The following LRP1B variants were observed in gnomAD, a reference collection of about 807,000 sequenced individuals.
The protein encoded by LRP1B is low-density lipoprotein receptor-related protein 1B.
In LRP1B, 217 loss-of-function variants were observed where a neutral mutation model predicts 556.6. The ratio of observed to expected loss-of-function variants is 0.39; its 90% CI spans 0.35 to 0.44. The LOEUF (loss-of-function observed/expected upper bound fraction) is 0.44, where lower values mean the gene tolerates loss of function less well. LRP1B is among the 20% of genes least tolerant of loss of function. LRP1B has a pLI of 1.00. For missense variants in LRP1B, 5,053 were observed against 5,620.8 expected (o/e 0.90, Z 3.23); for synonymous variants, 2,047 against 1,865.8 (o/e 1.10, Z -2.50).
chr2:140,323,807 G>T (rs1680299800), intron 81 of LRP1B, 86 bp downstream of exon 81: 1 of 683,702 alleles, frequency 1.5e-6, no homozygotes, highest in African/African-American at 1.8e-5. Flanking sequence ...CATTTACATA[G>T]TTAAGATATT....
intron 1 of LRP1B, among the ~76,000 whole-genome samples, chr2:141,938,933 G>A (rs758244986): frequency 5.9e-5 from 9 of 152,052 alleles, no homozygotes; most frequent in Non-Finnish European, 1.2e-4. Flanking sequence ...CTTATATGTG[G>A]AGTCTAACAA....
intron 2 of LRP1B, among the ~76,000 whole-genome samples, chr2:141,598,088 GATATATAATTTTTTTATT>G (rs939981491): frequency 2.6e-5 from 4 of 151,446 alleles, no homozygotes; most frequent in African/African-American, 9.7e-5. Flanking sequence ...GCTTTTTTAT[GATATATAATTTTTTTATT>G]ATATATAATT....
At chr2:141,164,309 A>G in intron 7 of LRP1B, among the ~76,000 whole-genome samples, 1 of 152,180 alleles carries the variant, frequency 6.6e-6, no homozygotes, top group East Asian at 1.9e-4. Context: ...CTACGGTAAT[A>G]AAAAGTTGAC....
Position 140,235,840 on chromosome 2 carries a change from T to C in LRP1B, c.13561-956A>G, listed in dbSNP as rs138643311. Among the ~76,000 whole-genome samples, 11 of 151,192 alleles carry C rather than the reference T, an allele frequency of 7.3e-5. No homozygotes were observed. The East Asian group carries it at 2.2e-3, about 30-fold the overall frequency. On this transcript the variant is annotated intron_variant, in intron 89 of 90. Coordinates refer to ENST00000389484, the MANE Select transcript of LRP1B (RefSeq NM_018557.3). Reference sequence around the variant, plus strand: ...AACCCTCCTTCATATGAAAAATGTGTAAAGTATATCGTCATTAGTCTGTTA... The same window carrying C: ...AACCCTCCTTCATATGAAAAATGTGCAAAGTATATCGTCATTAGTCTGTTA...
chr2:141,043,379 A>G (rs1483581888), intron 11 of LRP1B, among the ~76,000 whole-genome samples: 2 of 151,964 alleles, frequency 1.3e-5, no homozygotes, highest in Admixed American at 6.6e-5. Flanking sequence ...TTGAATCTTC[A>G]TCAATGCCAC....
At chr2:142,091,354 G>A (rs1370130124) in intron 1 of LRP1B, among the ~76,000 whole-genome samples, 2 of 151,946 alleles carry the variant, frequency 1.3e-5, no homozygotes, top group Non-Finnish European at 2.9e-5. Context: ...TTTGAATCTG[G>A]ACTTCTCTGT....
chr2:140,873,818 C>T (rs552717750), intron 25 of LRP1B, among the ~76,000 whole-genome samples: 64 of 151,356 alleles, frequency 4.2e-4, no homozygotes, highest in Non-Finnish European at 8.4e-4. Flanking sequence ...AAAAGTATGT[C>T]CTTTTTAAAC....
chr2:140,790,085 CTCTG>C (rs1422183289), intron 32 of LRP1B, among the ~76,000 whole-genome samples: 3 of 152,190 alleles, frequency 2.0e-5, no homozygotes, highest in African/African-American at 7.2e-5. Flanking sequence ...CACCATTTTT[CTCTG>C]TCTGACATTT....
chr2:141,931,905 G>T (rs950498320), intron 1 of LRP1B, among the ~76,000 whole-genome samples: 1 of 151,978 alleles, frequency 6.6e-6, no homozygotes, highest in Non-Finnish European at 1.5e-5. Context: ...GGAGATATGG[G>T]CTGTGTCACT....
chr2:141,185,708 A>AC (rs1558919054), intron 7 of LRP1B, among the ~76,000 whole-genome samples: 1 of 151,034 alleles, frequency 6.6e-6, no homozygotes, highest in African/African-American at 2.4e-5. Flanking sequence ...AAAAAAAAAA[A>AC]CAAGAACCAA....
At chr2:141,291,781 G>A (rs372251266) in intron 3 of LRP1B, among the ~76,000 whole-genome samples, 14 of 147,414 alleles carry the variant, frequency 9.5e-5, no homozygotes, top group African/African-American at 3.1e-4. Context: ...GCGTGAACCC[G>A]GGAGGCGGAG....
At chr2:141,847,825 A>G (rs186939712) in intron 1 of LRP1B, among the ~76,000 whole-genome samples, 1 of 151,648 alleles carries the variant, frequency 6.6e-6, no homozygotes, top group Non-Finnish European at 1.5e-5. Flanking sequence ...TTAAAAAATG[A>G]TGCAAATGTT....
intron 43 of LRP1B, among the ~76,000 whole-genome samples, chr2:140,572,987 A>T (rs1681385607): frequency 6.6e-6 from 1 of 151,820 alleles, no homozygotes; most frequent in Non-Finnish European, 1.5e-5. Flanking sequence ...AATAGTGGTT[A>T]CTAGAGGGTG....
intron 1 of LRP1B, among the ~76,000 whole-genome samples, chr2:141,844,338 T>C (rs568315281): frequency 6.6e-6 from 1 of 152,238 alleles, no homozygotes; most frequent in Non-Finnish European, 1.5e-5. Flanking sequence ...TTTGCTACTA[T>C]GAAAATGGAA....
chr2:141,818,531 CTTTTTTT>C (rs70994453), intron 1 of LRP1B, among the ~76,000 whole-genome samples: 1 of 82,080 alleles, frequency 1.2e-5, no homozygotes, highest in African/African-American at 4.9e-5. Flanking sequence ...ATTTCTGTAT[CTTTTTTT>C]TTTTTTTTTT....
intron 57 of LRP1B, among the ~76,000 whole-genome samples, chr2:140,490,889 C>G (rs1308632348): frequency 6.6e-6 from 1 of 152,076 alleles, no homozygotes; most frequent in African/African-American, 2.4e-5. Context: ...CTCACTGTTT[C>G]TTCATTCCCA....
At chr2:140,786,764 T>C (rs12691570) in intron 32 of LRP1B, among the ~76,000 whole-genome samples, 27,708 of 152,092 alleles carry the variant, frequency 0.18, 2,855 homozygotes, top group Non-Finnish European at 0.24. Context: ...GAGACTTGTG[T>C]CATGGAGAGC....
intron 68 of LRP1B, among the ~76,000 whole-genome samples, chr2:140,375,173 A>ATG (rs34597866): frequency 0.021 from 2,956 of 144,172 alleles, 43 homozygotes; most frequent in East Asian, 0.086. Context: ...TACTGTGTGT[A>ATG]TGTGTGTGTG....
chr2:142,079,182 G>T (rs1413983706), intron 1 of LRP1B, among the ~76,000 whole-genome samples: 3 of 152,102 alleles, frequency 2.0e-5, no homozygotes, highest in Non-Finnish European at 4.4e-5. Flanking sequence ...GCACACTATT[G>T]ATGCTATTTG....
Sources: gnomAD v4.1 joint callset for allele counts (sites outside exome capture counted in the v4.1 genomes callset) on GRCh38, gnomAD v4.1.1 for gene constraint, MANE v1.5 for transcripts, NCBI Gene and HGNC (gene_info 2026-07-23, HGNC 2026-07-21) for gene names.